RALGAPB: variants seen among roughly 807,000 people sequenced by gnomAD.
RALGAPB encodes Ral GTPase activating protein non-catalytic subunit beta.
A neutral mutation model predicts 161.1 loss-of-function variants in RALGAPB; 25 were observed. The ratio of observed to expected loss-of-function variants is 0.16; its 90% CI spans 0.11 to 0.22. The LOEUF is 0.22. Among genes scored for constraint, RALGAPB ranks in the 10% least tolerant of loss-of-function variants. The probability of loss-of-function intolerance (pLI) is 1.00; values close to 1 mark genes in which losing one functional copy is unlikely to be tolerated. For missense variants in RALGAPB, 1,391 were observed against 1,815.2 expected (o/e 0.77, Z 4.25); for synonymous variants, 629 against 626.1 (o/e 1.00, Z -0.07).
intron 13 of RALGAPB, among the ~76,000 whole-genome samples, chr20:38,528,630 A>C (rs2086546879): frequency 1.3e-5 from 2 of 151,764 alleles, no homozygotes; most frequent in African/African-American, 4.8e-5. Flanking sequence ...TAGCCTCCCA[A>C]AATGCTGGGA....
At chr20:38,569,744 A>G (rs989010323) in intron 26 of RALGAPB, 144 bp from the exon 27 acceptor site, 3 of 622,114 alleles carry the variant, frequency 4.8e-6, no homozygotes, top group Non-Finnish European at 8.6e-6. Flanking sequence ...TTGCAAATGT[A>G]TACACTTTTT....
chr20:38,510,814 G>A (rs1378376734), intron 6 of RALGAPB, among the ~76,000 whole-genome samples: 1 of 132,612 alleles, frequency 7.5e-6, no homozygotes, highest in East Asian at 1.9e-4. Context: ...GGAGGCTGAG[G>A]CAGGAGAATG....
In RALGAPB at chr20:38,525,936, T is replaced by C. The variant is rs141709787; in HGVS notation, c.1944T>C (p.Ser648=). The stretch of plus-strand genomic sequence containing the variant: ...AGTTTAGTAACGATGACAGCTCTTC[T>C]TATGATAAACCAATAACTTTTCTGT... ...EGKFSNDDSS[S]YDKPITFLSL... Residue 648 remains serine (S), a synonymous_variant, in exon 13 of 30, where the codon TCT becomes TCC. Transcript: ENST00000262879. The C allele has an allele frequency of 2.5e-6, 4 of 1,613,878 alleles. No homozygotes were observed. The highest frequency in any genetic ancestry group is 3.4e-6 in the Non-Finnish European group (4 of 1,179,806).
intron 22 of RALGAPB, among the ~76,000 whole-genome samples, chr20:38,557,653 A>C (rs186139995): frequency 1.4e-4 from 21 of 152,252 alleles, no homozygotes; most frequent in Non-Finnish European, 2.5e-4. Flanking sequence ...CACTTTTATC[A>C]GTATGCATTT....
intron 2 of RALGAPB, among the ~76,000 whole-genome samples, chr20:38,490,071 A>G (rs1289357922): frequency 2.0e-5 from 3 of 150,446 alleles, no homozygotes; most frequent in African/African-American, 7.4e-5. Flanking sequence ...GTGCAGTGGC[A>G]TGACCTCGGC....
chr20:38,504,476 A>G (rs1303571), intron 5 of RALGAPB, among the ~76,000 whole-genome samples: 96,417 of 152,160 alleles, frequency 0.63, 35,317 homozygotes, highest in East Asian at 0.91. Flanking sequence ...AAGCTATAAG[A>G]ATACTAGAAG....
At chr20:38,500,037 T>C (rs1361171742) in intron 5 of RALGAPB, 3 of 152,682 alleles carry the variant, frequency 2.0e-5, no homozygotes, top group African/African-American at 4.8e-5. Context: ...ATATTATACA[T>C]GCTACTTTAT....
intron 1 of RALGAPB, 30 bp downstream of exon 1, chr20:38,473,099 G>A: frequency 2.9e-6 from 1 of 345,530 alleles, no homozygotes; most frequent in Admixed American, 4.8e-5. Flanking sequence ...CGCCGCGGCC[G>A]GACCCTCCCC....
intron 9 of RALGAPB, among the ~76,000 whole-genome samples, chr20:38,519,640 G>A (rs188550278): frequency 1.3e-5 from 2 of 152,224 alleles, no homozygotes. Flanking sequence ...ATTTTTCCTT[G>A]CTGGGGAGAG....
intron 5 of RALGAPB, among the ~76,000 whole-genome samples, chr20:38,506,101 A>G (rs895629390): frequency 6.6e-6 from 1 of 152,204 alleles, no homozygotes; most frequent in African/African-American, 2.4e-5. Context: ...AGGGATGTGT[A>G]TGCATTGTAT....
chr20:38,569,740 A>G (rs2088158506), intron 26 of RALGAPB, 148 bp from the exon 27 acceptor site: 4 of 599,662 alleles, frequency 6.7e-6, no homozygotes, highest in Non-Finnish European at 1.2e-5. Context: ...TTTGTTGCAA[A>G]TGTATACACT....
chr20:38,504,479 A>C (rs1169142569), intron 5 of RALGAPB, among the ~76,000 whole-genome samples: 1 of 152,176 alleles, frequency 6.6e-6, no homozygotes, highest in East Asian at 1.9e-4. Context: ...CTATAAGAAT[A>C]CTAGAAGAAA....
rs184540890 is a variant in RALGAPB, at chr20:38,560,939, A to G, written c.3532-1593A>G. Among the ~76,000 whole-genome samples the G allele has an allele frequency of 7.9e-4, 120 of 152,382 alleles. 1 individual carries two copies. The highest frequency in any genetic ancestry group is 2.8e-3 in the African/African-American group (116 of 41,594). On this transcript the variant is annotated intron_variant, in intron 23 of 29. Coordinates refer to ENST00000262879, the MANE Select transcript of RALGAPB (RefSeq NM_020336.4). ...GTTTTACTTCTAGATAAAAATTTGA[A>G]TTGCAAAAACTAGAAATGGTTGTTA...
intron 5 of RALGAPB, among the ~76,000 whole-genome samples, chr20:38,508,741 A>G (rs2085845399): frequency 6.6e-6 from 1 of 152,214 alleles, no homozygotes. Context: ...ATTAGAAATC[A>G]TCTTGAAAGT....
intron 10 of RALGAPB, among the ~76,000 whole-genome samples, chr20:38,523,521 C>G (rs1327646399): frequency 6.6e-6 from 1 of 152,100 alleles, no homozygotes; most frequent in Non-Finnish European, 1.5e-5. Flanking sequence ...AGTTTTGAAT[C>G]GATTGAATTT....
chr20:38,528,403 G>C (rs978326940), intron 13 of RALGAPB, among the ~76,000 whole-genome samples: 3 of 150,902 alleles, frequency 2.0e-5, no homozygotes, highest in Non-Finnish European at 4.4e-5. Context: ...ACAAGTTCTT[G>C]CTCTGTTGCC....
chr20:38,518,439 C>G (rs1171469604), intron 9 of RALGAPB, among the ~76,000 whole-genome samples: 1 of 152,204 alleles, frequency 6.6e-6, no homozygotes, highest in Non-Finnish European at 1.5e-5. Flanking sequence ...TCACACTACA[C>G]TCTGACCTCT....
chr20:38,532,719 C>A lies in RALGAPB; in HGVS notation c.2116-11C>A, dbSNP rs370980495. 3 of 1,612,106 alleles carry A rather than the reference C, an allele frequency of 1.9e-6. No homozygotes were observed. In the South Asian group the frequency reaches 3.3e-5, roughly 18 times the overall value. On this transcript the variant is annotated splice_polypyrimidine_tract_variant and intron_variant, in intron 14 of 29. Coordinates refer to ENST00000262879, the MANE Select transcript of RALGAPB (RefSeq NM_020336.4). Reference sequence around the variant, plus strand: ...ATGTAATCCTCACTTGATTCATTTTCATTTGACTAGGGTGGTGGAGAAAAT... The same window carrying A: ...ATGTAATCCTCACTTGATTCATTTTAATTTGACTAGGGTGGTGGAGAAAAT...
chr20:38,544,809 C>G (rs946745823), intron 18 of RALGAPB, among the ~76,000 whole-genome samples: 19 of 152,082 alleles, frequency 1.2e-4, no homozygotes, highest in African/African-American at 4.6e-4. Flanking sequence ...TCTTTAAACT[C>G]TATATAATAC....
Sources: gnomAD v4.1 joint callset for allele counts (sites outside exome capture counted in the v4.1 genomes callset) on GRCh38, gnomAD v4.1.1 for gene constraint, MANE v1.5 for transcripts, NCBI Gene and HGNC (gene_info 2026-07-23, HGNC 2026-07-21) for gene names.